The following PTPRD variants were observed in gnomAD, a reference collection of about 807,000 sequenced individuals.
The protein encoded by PTPRD is protein tyrosine phosphatase receptor type D, also known as receptor-type tyrosine-protein phosphatase delta.
A neutral mutation model predicts 214.5 loss-of-function variants in PTPRD; 34 were observed. The ratio of observed to expected loss-of-function variants is 0.16; its 90% CI spans 0.12 to 0.21. PTPRD has a LOEUF of 0.21. Ranked by LOEUF, PTPRD falls within the 10% of genes least tolerant of loss-of-function variation. The pLI is 1.00. For synonymous variants in PTPRD, 1,128 were observed against 845.7 expected (o/e 1.33, Z -5.79); for missense variants, 2,545 against 2,398.7 (o/e 1.06, Z -1.27).
At chr9:9,316,229 TCTC>T (rs1352175398) in intron 9 of PTPRD, among the ~76,000 whole-genome samples, 2 of 151,878 alleles carry the variant, frequency 1.3e-5, no homozygotes, top group African/African-American at 2.4e-5. Context: ...TATGTCTCCC[TCTC>T]CTCCTCTCTC....
chr9:8,966,181 G>A (rs921303445), intron 11 of PTPRD, among the ~76,000 whole-genome samples: 10 of 151,836 alleles, frequency 6.6e-5, no homozygotes, highest in African/African-American at 2.4e-4. Flanking sequence ...ATTACTAAAA[G>A]CAATCTATAG....
intron 10 of PTPRD, among the ~76,000 whole-genome samples, chr9:9,165,287 G>A (rs1388877827): frequency 6.6e-6 from 1 of 152,200 alleles, no homozygotes; most frequent in Non-Finnish European, 1.5e-5. Flanking sequence ...CATTGAGAGT[G>A]AGGAACCAAA....
At chr9:10,455,029 T>A (rs1045915483) in intron 2 of PTPRD, among the ~76,000 whole-genome samples, 1 of 151,728 alleles carries the variant, frequency 6.6e-6, no homozygotes, top group Non-Finnish European at 1.5e-5. Flanking sequence ...TAAGAATACT[T>A]TTTAAAAATG....
At chr9:8,916,509 G>C (rs1486387715) in intron 11 of PTPRD, among the ~76,000 whole-genome samples, 1 of 152,156 alleles carries the variant, frequency 6.6e-6, no homozygotes, top group Admixed American at 6.6e-5. Flanking sequence ...GAGTAAATTA[G>C]TGACGATGAA....
chr9:9,576,033 C>A (rs555008751), intron 7 of PTPRD, among the ~76,000 whole-genome samples: 2 of 152,046 alleles, frequency 1.3e-5, no homozygotes, highest in South Asian at 4.2e-4. Context: ...TACTGTGTAA[C>A]CTCTAGCTAA....
chr9:9,023,522 T>A (rs7875273), intron 10 of PTPRD, among the ~76,000 whole-genome samples: 19 of 151,760 alleles, frequency 1.3e-4, no homozygotes, highest in East Asian at 1.9e-4. Context: ...TTACACTTAG[T>A]TGCTTTTATT....
At chr9:9,008,533 C>CA (rs1392272862) in intron 11 of PTPRD, among the ~76,000 whole-genome samples, 128 of 152,068 alleles carry the variant, frequency 8.4e-4, no homozygotes, top group African/African-American at 3.0e-3. Context: ...GCCTCCCCTT[C>CA]ATTATTTAGT....
Position 10,048,638 on chromosome 9 carries a change from G to A in PTPRD, c.-544-14848C>T, listed in dbSNP as rs182326255. Among the ~76,000 whole-genome samples the A allele has an allele frequency of 7.0e-4, 106 of 151,998 alleles. 2 individuals are homozygous for A. The South Asian group carries it at 0.02, about 29-fold the overall frequency. On this transcript the variant is annotated intron_variant, in intron 3 of 45. Transcript: ENST00000381196. Reference sequence around the variant, plus strand: ...AAACTGCTGGGGGAAAAAAATCTTCGAGGAGGTAGGATTTATGACCTCAGC... The same window carrying A: ...AAACTGCTGGGGGAAAAAAATCTTCAAGGAGGTAGGATTTATGACCTCAGC...
intron 7 of PTPRD, among the ~76,000 whole-genome samples, chr9:9,684,827 G>A (rs751131128): frequency 4.0e-5 from 6 of 151,434 alleles, no homozygotes; most frequent in Admixed American, 1.3e-4. Context: ...TACAGTCAAG[G>A]AATTTAAAGT....
chr9:8,571,596 T>G (rs1016039274), intron 14 of PTPRD, among the ~76,000 whole-genome samples: 5 of 152,304 alleles, frequency 3.3e-5, no homozygotes, highest in African/African-American at 9.6e-5. Context: ...ATTACTATTT[T>G]GTTGAATATA....
intron 11 of PTPRD, chr9:8,860,663 G>A (rs1019665894): frequency 1.3e-5 from 2 of 152,216 alleles, no homozygotes; most frequent in Non-Finnish European, 2.9e-5. Context: ...GGCAACAAAA[G>A]AGTGTCCTAA....
chr9:8,786,069 G>GTA (rs1555337115), intron 11 of PTPRD, among the ~76,000 whole-genome samples: 1 of 150,118 alleles, frequency 6.7e-6, no homozygotes, highest in Non-Finnish European at 1.5e-5. Flanking sequence ...GTGTGTGTGT[G>GTA]TACCTCATAC....
intron 27 of PTPRD, among the ~76,000 whole-genome samples, chr9:8,491,528 A>T (rs1401763285): frequency 6.6e-6 from 1 of 152,080 alleles, no homozygotes; most frequent in Non-Finnish European, 1.5e-5. Context: ...TCCATTTGAG[A>T]TTCAATTCTT....
At chr9:9,472,925 G>C (rs558707283) in intron 8 of PTPRD, among the ~76,000 whole-genome samples, 2 of 152,022 alleles carry the variant, frequency 1.3e-5, no homozygotes, top group Non-Finnish European at 2.9e-5. Flanking sequence ...AATCAAATCA[G>C]GATAATTAGC....
intron 3 of PTPRD, among the ~76,000 whole-genome samples, chr9:10,288,572 G>A (rs1037094138): frequency 3.3e-5 from 5 of 152,138 alleles, no homozygotes; most frequent in Non-Finnish European, 7.4e-5. Context: ...TATGATGCAC[G>A]CAAATGCAGG....
rs540491048 is a variant in PTPRD, at chr9:8,332,039, G to A, written c.5380-303C>T. Reference sequence around the variant, plus strand: ...CCACATAGTTCCCCCATTAACAAATGTTTCTGAGACCCAAAGTGGGGGTTC... The same window carrying A: ...CCACATAGTTCCCCCATTAACAAATATTTCTGAGACCCAAAGTGGGGGTTC... On this transcript the variant is annotated intron_variant, in intron 43 of 45. Coordinates refer to ENST00000381196, the MANE Select transcript of PTPRD (RefSeq NM_002839.4). Among the ~76,000 whole-genome samples, 120 of 152,176 alleles carry A rather than the reference G, an allele frequency of 7.9e-4. 1 individual carries two copies. Among genetic ancestry groups the A allele is most frequent in the African/African-American group, 2.6e-3 (110 of 41,520 alleles).
chr9:9,387,454 C>T (rs1889099), intron 9 of PTPRD, among the ~76,000 whole-genome samples: 32,506 of 151,938 alleles, frequency 0.21, 3,530 homozygotes, highest in Middle Eastern at 0.32. Context: ...ACCTAGAGTA[C>T]AGACTTTTTT....
Position 8,439,935 on chromosome 9 carries a change from A to ATTTTTTTTTTTTTTT in PTPRD, c.3989-3261_3989-3247dup, listed in dbSNP as rs1166530719. ...CATTTAAATTACTTGATGTGCTTTA[A>ATTTTTTTTTTTTTTT]TTTTTTTTTTTTTTTTTTTTTTTTT... is the stretch of plus-strand genomic sequence containing the variant. On this transcript the variant is annotated intron_variant, in intron 34 of 45. Transcript: ENST00000381196. Among the ~76,000 whole-genome samples, 98 of 73,310 alleles carry ATTTTTTTTTTTTTTT rather than the reference A, an allele frequency of 1.3e-3. 6 individuals are homozygous for ATTTTTTTTTTTTTTT. The highest frequency in any genetic ancestry group is 3.2e-3 in the South Asian group (5 of 1,584). 48.1% of individuals were successfully genotyped at this position (73,310 alleles called of 152,430 possible). A position where few individuals can be genotyped will look rare whatever the true frequency, so the allele number is the denominator to read the frequency against.
At chr9:9,080,516 G>C (rs779312692) in intron 10 of PTPRD, among the ~76,000 whole-genome samples, 4 of 151,860 alleles carry the variant, frequency 2.6e-5, no homozygotes, top group African/African-American at 9.7e-5. Flanking sequence ...CTTTTTTGAG[G>C]TTGGTAAAAT....
Sources: allele counts gnomAD v4.1 joint callset (sites outside exome capture counted in the v4.1 genomes callset), GRCh38; gene constraint gnomAD v4.1.1; transcripts MANE v1.5; gene names NCBI Gene and HGNC (gene_info 2026-07-23, HGNC 2026-07-21).